The following SH3RF2 variants were observed in gnomAD, a reference collection of about 807,000 sequenced individuals.
SH3RF2 encodes the protein E3 ubiquitin-protein ligase SH3RF2.
In SH3RF2, 43 loss-of-function variants were observed where a neutral mutation model predicts 59.0. The observed-to-expected ratio is 0.73, with a 90% CI of 0.57 to 0.94. SH3RF2 has a LOEUF of 0.94. SH3RF2 is among the 40% of genes least tolerant of loss of function. SH3RF2 has a pLI of 0.00. For synonymous variants in SH3RF2, 391 were observed against 391.5 expected, an observed-to-expected ratio of 1.00 and a Z score of 0.01; for missense variants, 930 against 940.1, an observed-to-expected ratio of 0.99 and a Z score of 0.14.
chr5:146,076,851 T>C (rs1170662291), intron 9 of SH3RF2, among the ~76,000 whole-genome samples: 4 of 152,114 alleles, frequency 2.6e-5, no homozygotes, highest in Non-Finnish European at 4.4e-5. Flanking sequence ...CCCAAATTGA[T>C]GTGATAAGAC....
intron 5 of SH3RF2, among the ~76,000 whole-genome samples, chr5:146,039,638 A>C (rs74381483): frequency 1.3e-3 from 202 of 152,348 alleles, no homozygotes; most frequent in Admixed American, 3.7e-3. Flanking sequence ...AGTAATTGTC[A>C]TTCACTGCTG....
intron 2 of SH3RF2, among the ~76,000 whole-genome samples, chr5:145,973,600 T>C (rs1252325651): frequency 1.3e-5 from 2 of 152,212 alleles, no homozygotes; most frequent in East Asian, 3.8e-4. Flanking sequence ...TATTATGCCA[T>C]AAAAATGACT....
At chr5:146,069,232 T>G (rs1245648582) in intron 9 of SH3RF2, among the ~76,000 whole-genome samples, 7 of 152,226 alleles carry the variant, frequency 4.6e-5, no homozygotes, top group African/African-American at 1.7e-4. Flanking sequence ...CTGATTTTGA[T>G]GCGCCAACAT....
At chr5:146,023,919 T>C (rs1338579383) in intron 5 of SH3RF2, among the ~76,000 whole-genome samples, 2 of 152,244 alleles carry the variant, frequency 1.3e-5, no homozygotes, top group African/African-American at 4.8e-5. Context: ...GGTTTACTCA[T>C]GTTGCGGTAT....
At chr5:146,035,785 C>G (rs1355822211) in intron 5 of SH3RF2, among the ~76,000 whole-genome samples, 2 of 152,172 alleles carry the variant, frequency 1.3e-5, no homozygotes, top group African/African-American at 4.8e-5. Context: ...TCTAGATGTC[C>G]AGAGACTGCC....
intron 3 of SH3RF2, among the ~76,000 whole-genome samples, chr5:146,001,636 C>T (rs1294107935): frequency 1.3e-5 from 2 of 152,178 alleles, no homozygotes; most frequent in Non-Finnish European, 2.9e-5. Flanking sequence ...GAAGTATCAT[C>T]GTCTGCCTCT....
intron 2 of SH3RF2, among the ~76,000 whole-genome samples, chr5:145,954,868 C>CGAGA (rs144204728): frequency 7.4e-5 from 11 of 147,976 alleles, no homozygotes; most frequent in South Asian, 4.3e-4. Flanking sequence ...GAGCAAGGAG[C>CGAGA]GAGAGAGAGA....
chr5:146,064,033 C>T (rs1489684440), downstream of SH3RF2, among the ~76,000 whole-genome samples: 1 of 152,116 alleles, frequency 6.6e-6, no homozygotes, highest in African/African-American at 2.4e-5. Context: ...GCAACAACAC[C>T]AGTGCGAACA....
At chr5:146,014,592 C>T (rs1005577502) in intron 5 of SH3RF2, among the ~76,000 whole-genome samples, 2 of 152,080 alleles carry the variant, frequency 1.3e-5, no homozygotes, top group African/African-American at 4.8e-5. Context: ...AAATACAAGT[C>T]CTATGCTCAA....
At chr5:146,045,108 G>A (rs1216931044) in intron 5 of SH3RF2, among the ~76,000 whole-genome samples, 1 of 152,204 alleles carries the variant, frequency 6.6e-6, no homozygotes, top group African/African-American at 2.4e-5. Context: ...CATTTAATCA[G>A]TGTTCCAACA....
At chr5:145,939,584 G>A (rs940902001) in intron 2 of SH3RF2, among the ~76,000 whole-genome samples, 4 of 152,142 alleles carry the variant, frequency 2.6e-5, no homozygotes, top group African/African-American at 9.7e-5. Flanking sequence ...TTCACTGTAG[G>A]CTTTTTATTG....
At chr5:146,012,514 G>A (rs1282423051) in intron 4 of SH3RF2, among the ~76,000 whole-genome samples, 2 of 152,100 alleles carry the variant, frequency 1.3e-5, no homozygotes, top group African/African-American at 2.4e-5. Flanking sequence ...TGGTTGGTAG[G>A]CTATTAATTA....
Position 146,013,881 on chromosome 5 carries a change from G to T in SH3RF2, c.879G>T (p.Arg293Ser). The stretch of plus-strand genomic sequence containing the variant: ...TCCGTAGGGGCCCAGGGTCCAGGAG[G>T]AAGGTGCCTGGGCAGTTTTCCATCA... ...STLRRGPGSR[R>S]KVPGQFSITT... is the part of the protein sequence containing the mutation. Residue 293 changes from arginine (R) to serine (S), a missense_variant, in exon 5 of 10, where the codon AGG becomes AGT. Physicochemically the swap from Arg to Ser is moderately radical, Grantham distance 110. Coordinates refer to ENST00000359120, the MANE Select transcript of SH3RF2 (RefSeq NM_152550.4). 1 of 1,614,144 alleles carries T rather than the reference G, an allele frequency of 6.2e-7. No homozygotes were observed. The highest frequency in any genetic ancestry group is 8.5e-7 in the Non-Finnish European group (1 of 1,180,010).
intron 2 of SH3RF2, among the ~76,000 whole-genome samples, chr5:145,979,010 C>A (rs1759408810): frequency 6.6e-6 from 1 of 152,096 alleles, no homozygotes; most frequent in South Asian, 2.1e-4. Flanking sequence ...AGATATCCTA[C>A]CAAATGGTCA....
At chr5:146,005,463 A>G (rs1760605247) in intron 4 of SH3RF2, among the ~76,000 whole-genome samples, 2 of 152,234 alleles carry the variant, frequency 1.3e-5, no homozygotes, top group East Asian at 1.9e-4. Context: ...TCTTCTAGTC[A>G]TAAGAGCTAA....
exon 10 of SH3RF2, chr5:146,080,040 C>T (rs1222428245): frequency 6.6e-6 from 1 of 152,190 alleles, no homozygotes; most frequent in Admixed American, 6.5e-5. Context: ...GCTCTTCCTT[C>T]GAACCTGCTT....
At chr5:145,950,743 G>A (rs1486775932) in intron 2 of SH3RF2, among the ~76,000 whole-genome samples, 1 of 152,186 alleles carries the variant, frequency 6.6e-6, no homozygotes, top group Non-Finnish European at 1.5e-5. Flanking sequence ...CTCTGGTCCA[G>A]AACTGATCTG....
At chr5:146,060,270 C>T in intron 9 of SH3RF2, 46 bp downstream of exon 9, 1 of 1,498,784 alleles carries the variant, frequency 6.7e-7, no homozygotes, top group South Asian at 1.3e-5. Flanking sequence ...CGATCCCGTA[C>T]TATGCATAGT....
At chr5:145,963,196 C>T (rs1758701119) in intron 2 of SH3RF2, among the ~76,000 whole-genome samples, 1 of 151,996 alleles carries the variant, frequency 6.6e-6, no homozygotes, top group African/African-American at 2.4e-5. Flanking sequence ...CACACCCAGC[C>T]TTATTCCACT....
Sources: allele counts gnomAD v4.1 joint callset (sites outside exome capture counted in the v4.1 genomes callset), GRCh38; gene constraint gnomAD v4.1.1; transcripts MANE v1.5; gene names NCBI Gene and HGNC (gene_info 2026-07-23, HGNC 2026-07-21).